The following POLN variants were observed in gnomAD, a reference collection of about 807,000 sequenced individuals.
POLN encodes DNA polymerase N.
A neutral mutation model predicts 113.5 loss-of-function variants in POLN; 108 were observed. The observed-to-expected ratio is 0.95, with a 90% CI of 0.81 to 1.12. POLN has a LOEUF of 1.12. POLN is among the 50% of genes most tolerant of loss of function. POLN has a pLI of 0.00. For missense variants in POLN, 1,097 were observed against 1,077.1 expected, an observed-to-expected ratio of 1.02 and a Z score of -0.26; for synonymous variants, 386 against 391.5, an observed-to-expected ratio of 0.99 and a Z score of 0.17.
chr4:2,224,318 G>GA (rs1734332699), intron 3 of POLN, among the ~76,000 whole-genome samples: 1 of 152,168 alleles, frequency 6.6e-6, no homozygotes, highest in Non-Finnish European at 1.5e-5. Flanking sequence ...CACTTCCTAT[G>GA]ATAAGAGTAC....
intron 2 of POLN, chr4:2,240,215 CTG>C (rs1452179058): frequency 6.2e-7 from 1 of 1,613,794 alleles, no homozygotes; most frequent in Non-Finnish European, 8.5e-7. Context: ...TAGATGGTGT[CTG>C]TATATCTAAA....
chr4:2,134,850 C>T (rs954162956), intron 16 of POLN, among the ~76,000 whole-genome samples: 2 of 152,180 alleles, frequency 1.3e-5, no homozygotes. Flanking sequence ...GTAATACGTG[C>T]GTGTTTACTG....
chr4:2,115,228 A>T (rs599169), intron 19 of POLN, among the ~76,000 whole-genome samples: 22,143 of 129,624 alleles, frequency 0.17, 2,246 homozygotes, highest in Middle Eastern at 0.28. Context: ...ATATATATAT[A>T]TTTTTTTTTT....
intron 19 of POLN, among the ~76,000 whole-genome samples, chr4:2,120,770 C>G (rs925569221): frequency 6.6e-6 from 1 of 152,146 alleles, no homozygotes; most frequent in Non-Finnish European, 1.5e-5. Context: ...GCTGGGATTA[C>G]AGGTGTGAGC....
chr4:2,155,660 G>A (rs1732405927), intron 16 of POLN, among the ~76,000 whole-genome samples: 1 of 152,032 alleles, frequency 6.6e-6, no homozygotes, highest in Non-Finnish European at 1.5e-5. Context: ...TCTTTACCAT[G>A]AATACATATT....
rs761359114 is a variant in POLN at position 2,170,666 on chromosome 4, T to C, written c.1554+13A>G. The stretch of plus-strand genomic sequence containing the variant: ...TCATTCTAAAAAGAAAAAGGATAAC[T>C]CTGAAACCTTACCACTGCTTCTGAT... On this transcript the variant is annotated intron_variant, in intron 13 of 25. Transcript: ENST00000511885. 2 of 1,605,558 alleles carry C rather than the reference T, an allele frequency of 1.2e-6. No homozygotes were observed. Among genetic ancestry groups the C allele is most frequent in the Non-Finnish European group, 1.7e-6 (2 of 1,172,688 alleles).
At chr4:2,141,426 A>AC (rs1238118214) in intron 16 of POLN, among the ~76,000 whole-genome samples, 1 of 151,530 alleles carries the variant, frequency 6.6e-6, no homozygotes, top group Non-Finnish European at 1.5e-5. Context: ...GAGCCTACAT[A>AC]CCCCCCGGCA....
chr4:2,135,217 G>A (rs1731823934), intron 16 of POLN, among the ~76,000 whole-genome samples: 1 of 152,168 alleles, frequency 6.6e-6, no homozygotes, highest in Non-Finnish European at 1.5e-5. Flanking sequence ...GGCCCCTGAG[G>A]AGTGAGGCTG....
At chr4:2,123,744 G>A (rs1430806101) in intron 19 of POLN, among the ~76,000 whole-genome samples, 1 of 151,504 alleles carries the variant, frequency 6.6e-6, no homozygotes, top group Non-Finnish European at 1.5e-5. Flanking sequence ...GGCAGAGGTT[G>A]CAGTGAGCCA....
chr4:2,240,552 T>G, intron 2 of POLN: 1 of 1,613,668 alleles, frequency 6.2e-7, no homozygotes, highest in South Asian at 1.1e-5. Context: ...CAGAGATTTG[T>G]GGCTAGTTAC....
rs368797769 is a variant in POLN at position 2,081,159 on chromosome 4, C to G, written c.2309-123G>C. ...CACAGAGGTGCTGGCTCTGAGCTGTCTGAGTGCCAGGGCCACAGATGACTG... is the reference window on the plus strand; with the variant it reads ...CACAGAGGTGCTGGCTCTGAGCTGTGTGAGTGCCAGGGCCACAGATGACTG... On this transcript the variant is annotated intron_variant, in intron 22 of 25. Transcript: ENST00000511885. 6 of 1,597,572 alleles carry G rather than the reference C, an allele frequency of 3.8e-6. No homozygotes were observed. The African/African-American group carries it at 6.7e-5, about 18-fold the overall frequency.
At chr4:2,122,965 C>T (rs1731484711) in intron 19 of POLN, among the ~76,000 whole-genome samples, 1 of 150,766 alleles carries the variant, frequency 6.6e-6, no homozygotes, top group African/African-American at 2.4e-5. Context: ...CCAGCCTAGG[C>T]AACATAGGAA....
chr4:2,182,109 T>G (rs181690081), intron 7 of POLN, among the ~76,000 whole-genome samples: 1 of 150,946 alleles, frequency 6.6e-6, no homozygotes, highest in East Asian at 2.0e-4. Flanking sequence ...GAATCAAGAG[T>G]CTAGAAATAA....
At chr4:2,083,685 G>A (rs1730483938) in intron 21 of POLN, among the ~76,000 whole-genome samples, 1 of 152,232 alleles carries the variant, frequency 6.6e-6, no homozygotes, top group South Asian at 2.1e-4. Context: ...AGCCACTCCT[G>A]TGCCAGGATG....
At chr4:2,096,607 G>A (rs1730796376) in intron 19 of POLN, among the ~76,000 whole-genome samples, 1 of 150,380 alleles carries the variant, frequency 6.6e-6, no homozygotes, top group Admixed American at 6.6e-5. Context: ...CCTCCTGCCT[G>A]CTGCTTTTGT....
intron 19 of POLN, among the ~76,000 whole-genome samples, chr4:2,113,988 C>A (rs1731260519): frequency 6.6e-6 from 1 of 151,278 alleles, no homozygotes; most frequent in Admixed American, 6.6e-5. Flanking sequence ...CAGCCTCAAC[C>A]TCCTGGGCTC....
At chr4:2,179,233 T>C (rs1331820544) in intron 8 of POLN, 75 bp downstream of exon 8, 4 of 1,325,778 alleles carry the variant, frequency 3.0e-6, no homozygotes, top group South Asian at 2.7e-5. Flanking sequence ...TATTAGGCTA[T>C]CAATAAAATA....
chr4:2,236,889 T>TATAATA, intron 2 of POLN, among the ~76,000 whole-genome samples: 1 of 149,028 alleles, frequency 6.7e-6, no homozygotes, highest in South Asian at 2.1e-4. Context: ...TAATTATAAT[T>TATAATA]ATAATAATAA....
chr4:2,103,516 T>A (rs527276319), intron 19 of POLN, among the ~76,000 whole-genome samples: 144 of 152,292 alleles, frequency 9.5e-4, no homozygotes, highest in African/African-American at 3.4e-3. Flanking sequence ...AAGAGAGATC[T>A]AAAGGCTCAG....
Sources: gnomAD v4.1 joint callset for allele counts (sites outside exome capture counted in the v4.1 genomes callset) on GRCh38, gnomAD v4.1.1 for gene constraint, MANE v1.5 for transcripts, NCBI Gene and HGNC (gene_info 2026-07-23, HGNC 2026-07-21) for gene names.